Variants in ATP12A observed in about 807,000 individuals in gnomAD.
The protein encoded by ATP12A is ATPase H+/K+ transporting non-gastric alpha2 subunit, also known as potassium-transporting ATPase alpha chain 2.
Under a neutral mutation model 111.2 loss-of-function variants are expected in ATP12A, and 81 were observed. The ratio of observed to expected loss-of-function variants is 0.73; its 90% CI spans 0.61 to 0.88. The LOEUF (loss-of-function observed/expected upper bound fraction) is 0.88, where lower values mean the gene tolerates loss of function less well. Ranked by LOEUF, ATP12A falls within the 40% of genes least tolerant of loss-of-function variation. ATP12A has a pLI of 0.00. For missense variants in ATP12A, 1,196 were observed against 1,313.1 expected (o/e 0.91, Z 1.38); for synonymous variants, 498 against 499.8 (o/e 1.00, Z 0.05).
Position 24,680,511 on chromosome 13 carries a change from G to A in ATP12A, c.-233G>A. On this transcript the variant is annotated 5_prime_UTR_variant, in exon 1 of 23. Coordinates refer to ENST00000381946, the MANE Select transcript of ATP12A (RefSeq NM_001676.7). The stretch of plus-strand genomic sequence containing the variant: ...GGCGTCCGCTGGCCTGCGCCCTGGC[G>A]GGGACGTGGGCGGGGCGGGCGGCAT... The A allele has an allele frequency of 2.3e-5, 11 of 478,238 alleles. No homozygotes were observed. The highest frequency in any genetic ancestry group is 3.6e-6 in the Non-Finnish European group (1 of 278,054). The allele number at this position is 478,238 out of a possible 1,614,324, so 29.6% of individuals were successfully genotyped here.
rs867635106 is a variant in ATP12A at position 24,708,960 on chromosome 13, A to G, written c.2494-404A>G. On this transcript the variant is annotated intron_variant, in intron 17 of 22. Transcript: ENST00000381946. ...AAGAAAGAAAGAAAGAAAGAAAGAA[A>G]GAAGGAAAGAGAAAGAGAAATGAAT... Among the ~76,000 whole-genome samples, 93 of 126,508 alleles carry G rather than the reference A, an allele frequency of 7.4e-4. 2 individuals are homozygous for G. Among genetic ancestry groups the G allele is most frequent in the African/African-American group, 2.3e-3 (80 of 35,534 alleles). The allele number at this position is 126,508 out of a possible 152,430, so 83.0% of individuals were successfully genotyped here. A position where few individuals can be genotyped will look rare whatever the true frequency, so the allele number is the denominator to read the frequency against.
chr13:24,706,608 A>C, intron 15 of ATP12A, 145 bp downstream of exon 15: 1 of 1,235,354 alleles, frequency 8.1e-7, no homozygotes, highest in Non-Finnish European at 1.1e-6. Context: ...TGACCTCTCC[A>C]ACCTCTCAGG....
rs546479947 is a variant in ATP12A at position 24,703,269 on chromosome 13, G to T, written c.2018+1198G>T. Among the ~76,000 whole-genome samples, 9 of 152,288 alleles carry T rather than the reference G, an allele frequency of 5.9e-5. No individual in the cohort carries two copies. In the South Asian group the frequency reaches 1.9e-3, roughly 32 times the overall value. On this transcript the variant is annotated intron_variant, in intron 14 of 22. Coordinates refer to ENST00000381946, the MANE Select transcript of ATP12A (RefSeq NM_001676.7). ...TTGTTTGTTTGTTTATTTAGACAGA[G>T]TCTCTCTCTGTCACCCACGCTGTAA...
Position 24,709,350 on chromosome 13 carries a change from C to T in ATP12A, c.2494-14C>T, listed in dbSNP as rs1480962037. On this transcript the variant is annotated splice_polypyrimidine_tract_variant and intron_variant, in intron 17 of 22. Coordinates refer to ENST00000381946, the MANE Select transcript of ATP12A (RefSeq NM_001676.7). ...CATCCTGGGGTTAGACCTCACCAGC[C>T]TCTTCCCCTCTAGATCCCCTCCATT... The T allele has an allele frequency of 6.2e-7, 1 of 1,609,628 alleles. No homozygotes were observed. Among genetic ancestry groups the T allele is most frequent in the Admixed American group, 1.7e-5 (1 of 59,898 alleles).
At position 24,704,740 on chromosome 13, in the gene ATP12A, G is replaced by T. The variant is rs548126351; in HGVS notation, c.2019-1573G>T. ...CGAATGTGGGAAGGTGCATTGAAAT[G>T]ACTTTTATGATTCTTGCCTCAGTCA... On this transcript the variant is annotated intron_variant, in intron 14 of 22. Coordinates refer to ENST00000381946, the MANE Select transcript of ATP12A (RefSeq NM_001676.7). 3 of 226,196 alleles carry T rather than the reference G, an allele frequency of 1.3e-5. No homozygotes were observed. The South Asian group carries it at 1.7e-4, about 13-fold the overall frequency. 14.0% of individuals were successfully genotyped at this position (226,196 alleles called of 1,614,324 possible). A position where few individuals can be genotyped will look rare whatever the true frequency, so the allele number is the denominator to read the frequency against.
At chr13:24,696,988 G>A (rs1045839715) in intron 11 of ATP12A, among the ~76,000 whole-genome samples, 3 of 152,148 alleles carry the variant, frequency 2.0e-5, no homozygotes, top group Admixed American at 6.5e-5. Context: ...AACAGTTTAC[G>A]GCAAATTGGA....
intron 7 of ATP12A, 73 bp downstream of exon 7, chr13:24,690,794 C>G: frequency 1.4e-6 from 2 of 1,481,128 alleles, no homozygotes; most frequent in Non-Finnish European, 1.8e-6. Flanking sequence ...CAGGTCTGTC[C>G]TTTGCCACAC....
intron 14 of ATP12A, among the ~76,000 whole-genome samples, chr13:24,705,016 T>C (rs1875563989): frequency 6.6e-6 from 1 of 152,154 alleles, no homozygotes; most frequent in East Asian, 1.9e-4. Flanking sequence ...TTGTTTTGTT[T>C]TGTTTTTTTG....
Position 24,685,514 on chromosome 13 carries a change from A to G in ATP12A, c.228+141A>G, listed in dbSNP as rs1249510900. 3 of 768,410 alleles carry G rather than the reference A, an allele frequency of 3.9e-6. No homozygotes were observed. Among genetic ancestry groups the G allele is most frequent in the African/African-American group, 1.7e-5 (1 of 58,214 alleles). The allele number at this position is 768,410 out of a possible 1,614,324, so 47.6% of individuals were successfully genotyped here. The stretch of plus-strand genomic sequence containing the variant: ...CTGCAGCGCCTTTGAGACTGCAGTT[A>G]TTTGCATCTGGACACAGTTCAAGTC... On this transcript the variant is annotated intron_variant, in intron 3 of 22. Coordinates refer to ENST00000381946, the MANE Select transcript of ATP12A (RefSeq NM_001676.7). The surrounding 1 kb of genome is among the most constrained non-coding windows in gnomAD (Gnocchi z 5.5).
At chr13:24,686,983 A>G (rs1033735293) in intron 3 of ATP12A, among the ~76,000 whole-genome samples, 1 of 152,056 alleles carries the variant, frequency 6.6e-6, no homozygotes, top group Non-Finnish European at 1.5e-5. Context: ...TACCAGGAGA[A>G]GTCTCTCCGG....
chr13:24,692,615 G>A lies in ATP12A; in HGVS notation c.1255G>A (p.Glu419Lys), dbSNP rs1293646592. 1 of 1,613,398 alleles carries A rather than the reference G, an allele frequency of 6.2e-7. No individual in the cohort carries two copies. The highest frequency in any genetic ancestry group is 8.5e-7 in the Non-Finnish European group (1 of 1,179,484). ...DNQIFVADTS[E>K]DHSNQVFDQS... ...TCAGATCTTTGTGGCTGACACCAGT[G>A]AGGACCATTCAAGTAAGTCTTATGG... Residue 419 changes from glutamate to lysine, a missense_variant, in exon 9 of 23, where the codon GAG becomes AAG. Glu to Lys is a moderately conservative substitution (Grantham distance 56). Coordinates refer to ENST00000381946, the MANE Select transcript of ATP12A (RefSeq NM_001676.7).
chr13:24,699,182 G>C (rs1042304653), intron 12 of ATP12A, among the ~76,000 whole-genome samples: 1 of 152,190 alleles, frequency 6.6e-6, no homozygotes, highest in Non-Finnish European at 1.5e-5. Context: ...GAACGGCGTG[G>C]GGCACATTGG....
In ATP12A at chr13:24,685,393, G is replaced by A; in HGVS notation, c.228+20G>A. On this transcript the variant is annotated intron_variant, in intron 3 of 22. Coordinates refer to ENST00000381946, the MANE Select transcript of ATP12A (RefSeq NM_001676.7). The surrounding 1 kb of genome is among the most constrained non-coding windows in gnomAD (Gnocchi z 5.5). ...ATTATGGTGAGTCGTGGGAACCAGG[G>A]ATTTGGAAGAGAAGCCTCCCAACTC... is the stretch of plus-strand genomic sequence containing the variant. 1 of 1,612,218 alleles carries A rather than the reference G, an allele frequency of 6.2e-7. No individual in the cohort carries two copies. The highest frequency in any genetic ancestry group is 8.5e-7 in the Non-Finnish European group (1 of 1,178,232).
At chr13:24,704,552 A>T (rs936794802) in intron 14 of ATP12A, 2 of 157,516 alleles carry the variant, frequency 1.3e-5, no homozygotes, top group African/African-American at 4.8e-5. Flanking sequence ...TCTTCCTATA[A>T]ACCTGGACTG....
chr13:24,682,167 T>G, intron 2 of ATP12A, among the ~76,000 whole-genome samples: 1 of 117,110 alleles, frequency 8.5e-6, no homozygotes, highest in Non-Finnish European at 1.7e-5. Flanking sequence ...GTGGTGTGTG[T>G]ATGTGTGTGG....
intron 22 of ATP12A, 27 bp from the exon 23 acceptor site, chr13:24,711,467 C>A (rs960786967): frequency 1.9e-6 from 3 of 1,614,176 alleles, no homozygotes. Flanking sequence ...CTCTCCATTT[C>A]TGATGTACTT....
Position 24,690,814 on chromosome 13 carries a change from A to C in ATP12A, c.799+93A>C, listed in dbSNP as rs955511208. ...CTGTCCTTTGCCACACCCCGTTACA[A>C]AGCTCATCCCAGAGGAAGCATGGAA... On this transcript the variant is annotated intron_variant, in intron 7 of 22. Transcript: ENST00000381946. The C allele has an allele frequency of 2.1e-6, 3 of 1,448,716 alleles. No homozygotes were observed. In the African/African-American group the frequency reaches 4.3e-5, roughly 21 times the overall value. The allele number at this position is 1,448,716 out of a possible 1,614,324, so 89.7% of individuals were successfully genotyped here. A position where few individuals can be genotyped will look rare whatever the true frequency, so the allele number is the denominator to read the frequency against.
In ATP12A at chr13:24,698,805, C is replaced by T. The variant is rs1875276694; in HGVS notation, c.1660C>T (p.His554Tyr). ...GGACAAGAGCACTGCCAAGACCTTC[C>T]ACACAGCCTACATGGAGCTGGGCGG... ...PLDKSTAKTF[H>Y]TAYMELGGLG... Residue 554 changes from histidine (H) to tyrosine (Y), a missense_variant, in exon 12 of 23, where the codon CAC (histidine) becomes TAC (tyrosine). Coordinates refer to ENST00000381946, the MANE Select transcript of ATP12A (RefSeq NM_001676.7). The T allele has an allele frequency of 1.2e-6, 2 of 1,614,068 alleles. No individual in the cohort carries two copies. Among genetic ancestry groups the T allele is most frequent in the Non-Finnish European group, 1.7e-6 (2 of 1,180,030 alleles).
intron 17 of ATP12A, among the ~76,000 whole-genome samples, chr13:24,707,804 A>T (rs901101512): frequency 6.6e-6 from 1 of 152,064 alleles, no homozygotes; most frequent in Non-Finnish European, 1.5e-5. Flanking sequence ...TCAGCCTCCC[A>T]AGTAGTTGGG....
Sources: gnomAD v4.1 joint callset for allele counts (sites outside exome capture counted in the v4.1 genomes callset) on GRCh38, gnomAD v4.1.1 for gene constraint, Gnocchi (gnomAD v3.1) non-coding constraint, MANE v1.5 for transcripts, NCBI Gene and HGNC (gene_info 2026-07-23, HGNC 2026-07-21) for gene names.